PALLD: variants seen among roughly 807,000 people sequenced by gnomAD.
PALLD encodes the protein palladin, cytoskeletal associated protein.
PALLD carries 61 observed loss-of-function variants against 123.5 expected under a neutral mutation model. That is an observed-to-expected ratio of 0.49 (90% CI 0.40 to 0.61). The LOEUF is 0.61. Among genes scored for constraint, PALLD ranks in the 20% least tolerant of loss-of-function variants. PALLD has a pLI of 0.00. For synonymous variants in PALLD, 465 were observed against 496.4 expected (o/e 0.94, Z 0.84); for missense variants, 1,273 against 1,377.0 (o/e 0.92, Z 1.20).
At chr4:168,705,004 A>G (rs1460746118) in intron 8 of PALLD, among the ~76,000 whole-genome samples, 2 of 152,144 alleles carry the variant, frequency 1.3e-5, no homozygotes, top group Non-Finnish European at 1.5e-5. Context: ...TAAAAATTTT[A>G]ATTCTATATT....
In PALLD at chr4:168,805,135, G is replaced by A. The variant is rs190037694; in HGVS notation, c.1965-85787G>A. Among the ~76,000 whole-genome samples the A allele has an allele frequency of 5.8e-3, 846 of 145,500 alleles. 3 individuals are homozygous for A. Among genetic ancestry groups the A allele is most frequent in the African/African-American group, 0.021 (813 of 38,990 alleles). On this transcript the variant is annotated intron_variant, in intron 10 of 21. Coordinates refer to ENST00000505667, the MANE Select transcript of PALLD (RefSeq NM_001166108.2). The stretch of plus-strand genomic sequence containing the variant: ...ATTGCGCCATTACATCTCAGCCTGG[G>A]TGGCAGGGTGAAACTCTAAAGAAAA...
chr4:168,688,454 C>A (rs1276195174), intron 6 of PALLD, among the ~76,000 whole-genome samples: 1 of 152,190 alleles, frequency 6.6e-6, no homozygotes, highest in Admixed American at 6.5e-5. Context: ...CAAAGAATCA[C>A]AATGTCAGGT....
chr4:168,831,603 C>G (rs1299213997), intron 10 of PALLD, among the ~76,000 whole-genome samples: 2 of 152,170 alleles, frequency 1.3e-5, no homozygotes, highest in Non-Finnish European at 2.9e-5. Context: ...GCCCCAGTCC[C>G]AGCCCCAGTC....
At chr4:168,847,714 A>G (rs1747082946) in intron 10 of PALLD, among the ~76,000 whole-genome samples, 6 of 152,114 alleles carry the variant, frequency 3.9e-5, no homozygotes, top group Admixed American at 3.9e-4. Context: ...AGGTGTGTAT[A>G]TGGGCTATTT....
chr4:168,693,582 G>A (rs770606384), intron 8 of PALLD, among the ~76,000 whole-genome samples: 7 of 152,134 alleles, frequency 4.6e-5, no homozygotes, highest in Non-Finnish European at 1.0e-4. Flanking sequence ...ATCTGAAAGC[G>A]TTTAAGAAAA....
chr4:168,687,967 C>T (rs1213904007), intron 6 of PALLD, among the ~76,000 whole-genome samples: 1 of 152,222 alleles, frequency 6.6e-6, no homozygotes, highest in African/African-American at 2.4e-5. Flanking sequence ...AAGCTCAGAG[C>T]CACTTCTCCA....
intron 2 of PALLD, among the ~76,000 whole-genome samples, chr4:168,546,180 T>C (rs759382813): frequency 2.6e-5 from 4 of 151,952 alleles, no homozygotes; most frequent in South Asian, 4.1e-4. Context: ...GAGAAACATA[T>C]GGAGTTCCTG....
At chr4:168,729,641 G>A (rs114846276) in intron 10 of PALLD, among the ~76,000 whole-genome samples, 91 of 152,128 alleles carry the variant, frequency 6.0e-4, no homozygotes, top group African/African-American at 1.6e-3. Flanking sequence ...CATCATTCTC[G>A]TGTACTTTTA....
At chr4:168,800,752 T>C (rs1405993021) in intron 10 of PALLD, among the ~76,000 whole-genome samples, 1 of 152,158 alleles carries the variant, frequency 6.6e-6, no homozygotes, top group African/African-American at 2.4e-5. Context: ...CAAACTTCAC[T>C]CTTGAGTATA....
At chr4:168,872,505 G>A (rs1751215982) in intron 10 of PALLD, among the ~76,000 whole-genome samples, 1 of 152,138 alleles carries the variant, frequency 6.6e-6, no homozygotes, top group African/African-American at 2.4e-5. Context: ...ATAATCCCAA[G>A]CAGTAATCAA....
At chr4:168,525,891 T>C (rs138791534) in intron 2 of PALLD, among the ~76,000 whole-genome samples, 158 of 152,362 alleles carry the variant, frequency 1.0e-3, no homozygotes, top group African/African-American at 3.6e-3. Flanking sequence ...GTAACTTTAC[T>C]ACCACTGTGT....
intron 10 of PALLD, among the ~76,000 whole-genome samples, chr4:168,811,770 T>A (rs1389841856): frequency 0.052 from 5,249 of 101,330 alleles, 267 homozygotes; most frequent in African/African-American, 0.17. Context: ...TCTCTCTCTC[T>A]CTCTCTCACA....
At chr4:168,806,287 C>G (rs966246329) in intron 10 of PALLD, among the ~76,000 whole-genome samples, 3 of 152,208 alleles carry the variant, frequency 2.0e-5, no homozygotes, top group African/African-American at 7.2e-5. Flanking sequence ...TGGTCTCAAA[C>G]TCCTGACTTC....
At chr4:168,836,309 G>A (rs1409015549) in intron 10 of PALLD, among the ~76,000 whole-genome samples, 1 of 152,200 alleles carries the variant, frequency 6.6e-6, no homozygotes, top group Non-Finnish European at 1.5e-5. Flanking sequence ...AGGCGTAATG[G>A]CTTATTTGAT....
chr4:168,768,516 C>T (rs951512107), intron 10 of PALLD, among the ~76,000 whole-genome samples: 11 of 152,206 alleles, frequency 7.2e-5, no homozygotes, highest in African/African-American at 2.7e-4. Flanking sequence ...AAGTTTCTTA[C>T]ATTTATATAC....
chr4:168,810,601 C>A (rs187220196), intron 10 of PALLD, among the ~76,000 whole-genome samples: 3 of 150,748 alleles, frequency 2.0e-5, no homozygotes, highest in African/African-American at 7.3e-5. Context: ...CGAGATCGCA[C>A]CATTGCACTC....
intron 17 of PALLD, 112 bp from the exon 18 acceptor site, chr4:168,921,422 A>AAC: frequency 1.5e-6 from 1 of 676,334 alleles, no homozygotes; most frequent in Non-Finnish European, 2.4e-6. Context: ...AAAAAAAAAA[A>AAC]AAAAGCCACC....
At chr4:168,521,298 T>C (rs1476151264) in intron 2 of PALLD, among the ~76,000 whole-genome samples, 2 of 152,184 alleles carry the variant, frequency 1.3e-5, no homozygotes, top group Non-Finnish European at 2.9e-5. Context: ...CAGTAGAGGT[T>C]CTAGAATCAG....
At chr4:168,720,525 ACT>A in intron 10 of PALLD, among the ~76,000 whole-genome samples, 1 of 152,304 alleles carries the variant, frequency 6.6e-6, no homozygotes, top group Middle Eastern at 3.4e-3. Flanking sequence ...TTATACACAC[ACT>A]CTGAGTCACC....
Sources: allele counts gnomAD v4.1 joint callset (sites outside exome capture counted in the v4.1 genomes callset), GRCh38; gene constraint gnomAD v4.1.1; transcripts MANE v1.5; gene names NCBI Gene and HGNC (gene_info 2026-07-23, HGNC 2026-07-21).